DENND1A: variants seen among roughly 807,000 people sequenced by gnomAD.
DENND1A encodes the protein DENN domain-containing protein 1A.
A neutral mutation model predicts 113.7 loss-of-function variants in DENND1A; 51 were observed. The ratio of observed to expected loss-of-function variants is 0.45; its 90% CI spans 0.36 to 0.57. DENND1A has a LOEUF of 0.57. Ranked by LOEUF, DENND1A falls within the 20% of genes least tolerant of loss-of-function variation. DENND1A has a pLI of 0.00. For synonymous variants in DENND1A, 565 were observed against 570.8 expected, an observed-to-expected ratio of 0.99 and a Z score of 0.14; for missense variants, 1,258 against 1,395.9, an observed-to-expected ratio of 0.90 and a Z score of 1.57.
intron 5 of DENND1A, among the ~76,000 whole-genome samples, chr9:123,754,955 T>C (rs1238924180): frequency 6.6e-6 from 1 of 152,026 alleles, no homozygotes; most frequent in African/African-American, 2.4e-5. Flanking sequence ...TACATATACA[T>C]ACACACACAC....
chr9:123,545,377 A>G (rs1042784438), intron 13 of DENND1A, among the ~76,000 whole-genome samples: 1 of 152,110 alleles, frequency 6.6e-6, no homozygotes, highest in South Asian at 2.1e-4. Context: ...TCCTCTAATC[A>G]TCACAGATAT....
intron 19 of DENND1A, among the ~76,000 whole-genome samples, chr9:123,415,186 C>T (rs145572471): frequency 6.6e-6 from 1 of 152,226 alleles, no homozygotes; most frequent in East Asian, 1.9e-4. Flanking sequence ...CAGATAAAAC[C>T]CAACAACGGC....
intron 5 of DENND1A, among the ~76,000 whole-genome samples, chr9:123,740,726 G>A (rs2068937961): frequency 1.3e-5 from 2 of 152,140 alleles, no homozygotes; most frequent in Non-Finnish European, 2.9e-5. Flanking sequence ...ACAAGGATCA[G>A]ATGAGACAGG....
At chr9:123,389,930 C>T (rs2042755444) in intron 21 of DENND1A, among the ~76,000 whole-genome samples, 1 of 152,202 alleles carries the variant, frequency 6.6e-6, no homozygotes, top group Non-Finnish European at 1.5e-5. Flanking sequence ...GTTGGCTCTA[C>T]CTACCTCTGT....
In DENND1A at chr9:123,881,963, G is replaced by A. The variant is rs138804512; in HGVS notation, c.18-2942C>T. On this transcript the variant is annotated intron_variant, in intron 1 of 23. Transcript: ENST00000394215. Reference sequence around the variant, plus strand: ...CATCCATCTGCCCTCCTCCTTGAATGTCTTTCTTTTCTTGGCTTCCAGGAC... The same window carrying A: ...CATCCATCTGCCCTCCTCCTTGAATATCTTTCTTTTCTTGGCTTCCAGGAC... 4.2e-3 allele frequency among the ~76,000 whole-genome samples: 637 copies of A among 152,250 alleles called. 2 individuals carry two copies. Among genetic ancestry groups the A allele is most frequent in the African/African-American group, 0.014 (601 of 41,546 alleles).
At chr9:123,703,350 C>G (rs1300803273) in intron 5 of DENND1A, among the ~76,000 whole-genome samples, 3 of 152,104 alleles carry the variant, frequency 2.0e-5, no homozygotes, top group African/African-American at 7.2e-5. Flanking sequence ...TTCAAAATGT[C>G]AGGGGAGGAT....
intron 5 of DENND1A, among the ~76,000 whole-genome samples, chr9:123,738,604 C>G (rs1208184277): frequency 6.6e-6 from 1 of 152,178 alleles, no homozygotes; most frequent in Non-Finnish European, 1.5e-5. Context: ...AGCTGGCACT[C>G]TGATGGAACA....
At chr9:123,543,392 T>G (rs1333151487) in intron 13 of DENND1A, among the ~76,000 whole-genome samples, 1 of 152,222 alleles carries the variant, frequency 6.6e-6, no homozygotes, top group East Asian at 1.9e-4. Flanking sequence ...AAAGTTACAG[T>G]AGATGTAAAG....
chr9:123,584,903 C>T (rs1018159018), intron 11 of DENND1A, among the ~76,000 whole-genome samples: 5 of 152,174 alleles, frequency 3.3e-5, no homozygotes, highest in Non-Finnish European at 7.3e-5. Context: ...TCATCTGTGG[C>T]TCACCACTGC....
intron 1 of DENND1A, among the ~76,000 whole-genome samples, chr9:123,916,371 C>CTTTTT (rs545019678): frequency 2.4e-5 from 3 of 126,664 alleles, no homozygotes; most frequent in African/African-American, 6.0e-5. Flanking sequence ...TACGTATTTG[C>CTTTTT]TTTTTTTTTT....
At chr9:123,644,168 C>T (rs770090591) in intron 9 of DENND1A, among the ~76,000 whole-genome samples, 21 of 151,460 alleles carry the variant, frequency 1.4e-4, no homozygotes, top group Non-Finnish European at 1.6e-4. Flanking sequence ...GCTGCAAGAA[C>T]GAATGAAAAA....
At chr9:123,799,756 T>C (rs1446048027) in intron 2 of DENND1A, among the ~76,000 whole-genome samples, 5 of 152,314 alleles carry the variant, frequency 3.3e-5, no homozygotes, top group South Asian at 4.1e-4. Flanking sequence ...ATAGAATTAA[T>C]AGAACAAAAT....
intron 12 of DENND1A, among the ~76,000 whole-genome samples, chr9:123,569,758 C>T (rs1263784853): frequency 6.6e-6 from 1 of 152,116 alleles, no homozygotes; most frequent in Non-Finnish European, 1.5e-5. Flanking sequence ...GTCCCCTGAC[C>T]CCAAGTCCAA....
intron 13 of DENND1A, among the ~76,000 whole-genome samples, chr9:123,555,439 T>C (rs1364437760): frequency 1.3e-5 from 2 of 152,172 alleles, no homozygotes; most frequent in African/African-American, 4.8e-5. Flanking sequence ...CCAAAGAAAA[T>C]GGCGCACTCA....
intron 13 of DENND1A, among the ~76,000 whole-genome samples, chr9:123,508,592 C>T (rs1003482824): frequency 1.3e-5 from 2 of 152,158 alleles, no homozygotes; most frequent in African/African-American, 2.4e-5. Context: ...GTGTGTAATT[C>T]GCTAATTGCA....
At chr9:123,648,031 T>G (rs1238052283) in intron 9 of DENND1A, among the ~76,000 whole-genome samples, 1 of 152,218 alleles carries the variant, frequency 6.6e-6, no homozygotes, top group Non-Finnish European at 1.5e-5. Flanking sequence ...ATATAACACC[T>G]GGCTTTGTCA....
intron 5 of DENND1A, among the ~76,000 whole-genome samples, chr9:123,737,292 C>T (rs887535196): frequency 6.6e-6 from 1 of 152,086 alleles, no homozygotes; most frequent in African/African-American, 2.4e-5. Context: ...ACTCCTGGGG[C>T]TCAAGCAATC....
At chr9:123,734,482 T>C (rs938455425) in intron 5 of DENND1A, among the ~76,000 whole-genome samples, 4 of 152,136 alleles carry the variant, frequency 2.6e-5, no homozygotes. Flanking sequence ...CAGTGGAGTA[T>C]AGGACACCTA....
intron 2 of DENND1A, among the ~76,000 whole-genome samples, chr9:123,826,745 C>T (rs1370564467): frequency 1.3e-5 from 2 of 152,166 alleles, no homozygotes; most frequent in African/African-American, 4.8e-5. Context: ...TCTGCACAGC[C>T]CTGTGGACAA....
Sources: gnomAD v4.1 joint callset for allele counts (sites outside exome capture counted in the v4.1 genomes callset) on GRCh38, gnomAD v4.1.1 for gene constraint, MANE v1.5 for transcripts, NCBI Gene and HGNC (gene_info 2026-07-23, HGNC 2026-07-21) for gene names.